Variants in SPECC1 observed in about 807,000 individuals in gnomAD.
The protein encoded by SPECC1 is cytospin-B.
A neutral mutation model predicts 104.1 loss-of-function variants in SPECC1; 62 were observed. The observed-to-expected ratio is 0.60, with a 90% CI of 0.49 to 0.74. The LOEUF (loss-of-function observed/expected upper bound fraction) is 0.74, where lower values mean the gene tolerates loss of function less well. SPECC1 is among the 30% of genes least tolerant of loss of function. The pLI is 0.00. For missense variants in SPECC1, 1,306 were observed against 1,310.5 expected (o/e 1.00, Z 0.05); for synonymous variants, 513 against 501.6 (o/e 1.02, Z -0.30).
At chr17:20,132,557 T>G (rs972653152) in intron 3 of SPECC1, among the ~76,000 whole-genome samples, 1 of 149,138 alleles carries the variant, frequency 6.7e-6, no homozygotes, top group African/African-American at 2.4e-5. Context: ...TTTTTTGGCT[T>G]TTTTTTTTGG....
intron 6 of SPECC1, 116 bp downstream of exon 6, chr17:20,231,947 C>T: frequency 9.0e-7 from 1 of 1,116,778 alleles, no homozygotes; most frequent in Admixed American, 2.1e-5. Context: ...ATGGTGGGCC[C>T]TGGAACTGTA....
rs139145345 is a variant in SPECC1, at chr17:20,257,355, G to A, written c.2681-96G>A. 58 of 1,374,540 alleles carry A rather than the reference G, an allele frequency of 4.2e-5. No homozygotes were observed. In the African/African-American group the frequency reaches 7.8e-4, roughly 18 times the overall value. 85.1% of individuals were successfully genotyped at this position (1,374,540 alleles called of 1,614,324 possible). ...AACTATATATATGTTTGCACTTGAG[G>A]ATAAAATGAGAACTGTATTGTATTT... On this transcript the variant is annotated intron_variant, in intron 10 of 14. Coordinates refer to ENST00000395527, the MANE Select transcript of SPECC1 (RefSeq NM_001243439.2).
At chr17:20,165,325 G>A (rs566366832) in intron 3 of SPECC1, among the ~76,000 whole-genome samples, 5 of 152,138 alleles carry the variant, frequency 3.3e-5, no homozygotes, top group South Asian at 2.1e-4. Flanking sequence ...TTCTGTTCCT[G>A]TGTTAGTTTG....
chr17:20,110,484 G>C lies in SPECC1; in HGVS notation c.205G>C (p.Gly69Arg), dbSNP rs758617803. The C allele has an allele frequency of 3.1e-6, 5 of 1,614,032 alleles. No homozygotes were observed. Among genetic ancestry groups the C allele is most frequent in the Non-Finnish European group, 3.4e-6 (4 of 1,179,994 alleles). Residue 69 changes from glycine to arginine, a missense_variant, in exon 3 of 15, where the codon GGG becomes CGG. Physicochemically the swap from Gly to Arg is moderately radical, Grantham distance 125. Coordinates refer to ENST00000395527, the MANE Select transcript of SPECC1 (RefSeq NM_001243439.2). ...LNKPGSTAASGVVRLKKTATA... is the reference protein window; with the variant it reads ...LNKPGSTAASRVVRLKKTATA... ...CAAGCCAGGAAGTACCGCTGCATCG[G>C]GGGTGGTTCGCCTGAAGAAGACCGC...
chr17:20,312,587 C>A (rs2041961695), intron 14 of SPECC1, among the ~76,000 whole-genome samples: 1 of 152,170 alleles, frequency 6.6e-6, no homozygotes, highest in African/African-American at 2.4e-5. Flanking sequence ...CCCAATTCTT[C>A]ATCAGTTCCT....
intron 1 of SPECC1, among the ~76,000 whole-genome samples, chr17:20,022,196 C>T (rs942012384): frequency 6.6e-6 from 1 of 152,148 alleles, no homozygotes; most frequent in Non-Finnish European, 1.5e-5. Flanking sequence ...CCGCCTCGGC[C>T]TCCCAAAGTG....
chr17:20,291,700 A>G (rs569509527), intron 12 of SPECC1, among the ~76,000 whole-genome samples: 4 of 152,062 alleles, frequency 2.6e-5, no homozygotes, highest in African/African-American at 9.6e-5. Flanking sequence ...ATGTGCCACC[A>G]CACCCAGCTA....
At chr17:20,309,989 T>C (rs2041885421) in intron 14 of SPECC1, among the ~76,000 whole-genome samples, 1 of 148,260 alleles carries the variant, frequency 6.7e-6, no homozygotes, top group Non-Finnish European at 1.5e-5. Flanking sequence ...AGCTAATTTT[T>C]TGTATTTTTT....
At chr17:20,065,226 A>T (rs1170917584) in intron 1 of SPECC1, among the ~76,000 whole-genome samples, 1 of 152,218 alleles carries the variant, frequency 6.6e-6, no homozygotes, top group Non-Finnish European at 1.5e-5. Flanking sequence ...AGTGGACACC[A>T]GCTAGGTGTT....
chr17:20,205,244 T>C lies in SPECC1; in HGVS notation c.1195T>C (p.Ser399Pro), dbSNP rs2036700578. 6.2e-7 allele frequency: 1 copy of C among 1,614,028 alleles called. No individual in the cohort carries two copies. Among genetic ancestry groups the C allele is most frequent in the Non-Finnish European group, 8.5e-7 (1 of 1,180,010 alleles). Residue 399 changes from serine (S) to proline (P), a missense_variant, in exon 4 of 15, where the codon TCA (serine) becomes CCA (proline). By Grantham distance (74) the Ser-to-Pro change is moderately conservative (BLOSUM62 -1). This residue lies in a region of SPECC1 where 1,177 missense variants were observed against 1,139.9 expected (regional missense o/e 1.03). Coordinates refer to ENST00000395527, the MANE Select transcript of SPECC1 (RefSeq NM_001243439.2). Reference sequence around the variant, plus strand: ...ACTACAGGCTACTCTACAAGAATTATCAGACCAGCAACAAATGGTACAGGA... The same window carrying C: ...ACTACAGGCTACTCTACAAGAATTACCAGACCAGCAACAAATGGTACAGGA... ...EELQATLQEL[S>P]DQQQMVQELT...
At chr17:20,259,896 G>A (rs2703790) in intron 11 of SPECC1, among the ~76,000 whole-genome samples, 107,733 of 152,052 alleles carry the variant, frequency 0.71, 39,970 homozygotes, top group East Asian at 0.99. Context: ...TAATTCAAAT[G>A]ATACTGTACT....
intron 3 of SPECC1, among the ~76,000 whole-genome samples, chr17:20,111,051 C>A (rs1211349895): frequency 6.6e-6 from 1 of 152,154 alleles, no homozygotes; most frequent in Non-Finnish European, 1.5e-5. Context: ...TGTGAACCTT[C>A]TCAGTGTTAC....
At chr17:20,266,379 C>G (rs1039018369) in intron 12 of SPECC1, among the ~76,000 whole-genome samples, 1 of 152,068 alleles carries the variant, frequency 6.6e-6, no homozygotes, top group Non-Finnish European at 1.5e-5. Flanking sequence ...GTCGGGAGAT[C>G]GACACCATCC....
At chr17:20,120,163 G>A (rs756920936) in intron 3 of SPECC1, among the ~76,000 whole-genome samples, 8 of 152,166 alleles carry the variant, frequency 5.3e-5, no homozygotes, top group Non-Finnish European at 1.0e-4. Flanking sequence ...CGAGGCAGGC[G>A]GATCACCTGA....
chr17:20,048,024 C>T lies in SPECC1; in HGVS notation c.-22+38600C>T, dbSNP rs1230548690. Among the ~76,000 whole-genome samples the T allele has an allele frequency of 2.8e-4, 43 of 152,112 alleles. 1 individual carries two copies. Among genetic ancestry groups the T allele is most frequent in the Admixed American group, 2.5e-3 (38 of 15,276 alleles). On this transcript the variant is annotated intron_variant, in intron 1 of 14. Coordinates refer to ENST00000395527, the MANE Select transcript of SPECC1 (RefSeq NM_001243439.2). ...TCTCCATTGGTGTCCTTGACTCATC[C>T]GTTACCTTCCTTCAGTAAGGAGCAG... is the stretch of plus-strand genomic sequence containing the variant.
At position 20,147,053 on chromosome 17, in the gene SPECC1, T is replaced by C. The variant is rs1226334533; in HGVS notation, c.283+36491T>C. ...TCAGTCTTTTGGATTTTCACCATTC[T>C]AATAGGTGCATAACAGTATGGATCG... On this transcript the variant is annotated intron_variant, in intron 3 of 14. Coordinates refer to ENST00000395527, the MANE Select transcript of SPECC1 (RefSeq NM_001243439.2). Among the ~76,000 whole-genome samples the C allele has an allele frequency of 2.0e-5, 3 of 151,878 alleles. No homozygotes were observed. The East Asian group carries it at 5.8e-4, about 29-fold the overall frequency.
intron 3 of SPECC1, among the ~76,000 whole-genome samples, chr17:20,168,119 C>G (rs1236637862): frequency 4.6e-5 from 7 of 152,086 alleles, no homozygotes; most frequent in Non-Finnish European, 8.8e-5. Flanking sequence ...AAAAGTAGTA[C>G]TAATACTGTT....
At chr17:20,156,039 C>T (rs2032456270) in intron 3 of SPECC1, 3 of 1,277,268 alleles carry the variant, frequency 2.3e-6, no homozygotes, top group Non-Finnish European at 3.0e-6. Context: ...AGCGGCTCCG[C>T]CGGCAGCTGC....
intron 6 of SPECC1, 66 bp downstream of exon 6, chr17:20,231,897 A>ACT: frequency 6.7e-7 from 1 of 1,494,346 alleles, no homozygotes; most frequent in South Asian, 1.1e-5. Flanking sequence ...GGTGTGGATC[A>ACT]CTCTCTCTAT....
Sources: allele counts gnomAD v4.1 joint callset (sites outside exome capture counted in the v4.1 genomes callset), GRCh38; gene constraint gnomAD v4.1.1; regional missense constraint gnomAD v4.1.1; transcripts MANE v1.5; gene names NCBI Gene and HGNC (gene_info 2026-07-23, HGNC 2026-07-21).